NKAIN2: variants seen among roughly 807,000 people sequenced by gnomAD.
NKAIN2 encodes sodium/potassium transporting ATPase interacting 2.
A neutral mutation model predicts 32.6 loss-of-function variants in NKAIN2; 14 were observed. That is an observed-to-expected ratio of 0.43 (90% confidence interval 0.28 to 0.67). NKAIN2 has a LOEUF of 0.67. Among genes scored for constraint, NKAIN2 ranks in the 30% least tolerant of loss-of-function variants. NKAIN2 has a pLI of 0.17. For missense variants in NKAIN2, 198 were observed against 258.3 expected, an observed-to-expected ratio of 0.77 and a Z score of 1.60; for synonymous variants, 80 against 87.2, an observed-to-expected ratio of 0.92 and a Z score of 0.46.
chr6:123,916,148 A>C (rs913136079), intron 1 of NKAIN2, among the ~76,000 whole-genome samples: 16 of 152,162 alleles, frequency 1.1e-4, no homozygotes, highest in African/African-American at 3.9e-4. Context: ...AAGATAAGTT[A>C]ATCTAGGGCA....
intron 1 of NKAIN2, among the ~76,000 whole-genome samples, chr6:123,904,238 A>C (rs766488556): frequency 4.6e-5 from 7 of 152,184 alleles, no homozygotes; most frequent in Admixed American, 6.5e-5. Flanking sequence ...CTTAAAAAAA[A>C]AAGAAAAAAG....
chr6:124,647,887 A>C (rs1784236341), intron 3 of NKAIN2, among the ~76,000 whole-genome samples: 1 of 152,230 alleles, frequency 6.6e-6, no homozygotes, highest in Non-Finnish European at 1.5e-5. Context: ...GAAACTAGTG[A>C]CTAACATGCT....
At position 124,747,901 on chromosome 6, in the gene NKAIN2, A is replaced by T. The variant is rs1039964033; in HGVS notation, c.475-43438A>T. Among the ~76,000 whole-genome samples the T allele has an allele frequency of 2.0e-5, 3 of 151,894 alleles. No homozygotes were observed. In the East Asian group the frequency reaches 5.8e-4, roughly 30 times the overall value. On this transcript the variant is annotated intron_variant, in intron 4 of 6. Transcript: ENST00000368417. Reference sequence around the variant, plus strand: ...TTCCCTTTCTTCCCTCTATTTCCTCATGATATAGTCTTAGCACTTCTTTTA... The same window carrying T: ...TTCCCTTTCTTCCCTCTATTTCCTCTTGATATAGTCTTAGCACTTCTTTTA...
At chr6:124,353,174 T>A (rs568106056) in intron 2 of NKAIN2, among the ~76,000 whole-genome samples, 5 of 152,142 alleles carry the variant, frequency 3.3e-5, no homozygotes, top group Non-Finnish European at 7.4e-5. Context: ...TCTTAATAAC[T>A]ATTTTGTGCA....
intron 3 of NKAIN2, among the ~76,000 whole-genome samples, chr6:124,492,009 A>G (rs7747075): frequency 6.6e-6 from 1 of 151,976 alleles, no homozygotes; most frequent in Non-Finnish European, 1.5e-5. Flanking sequence ...ATTGAAGCCA[A>G]TGACAATGGT....
chr6:124,151,631 A>G (rs1562387884), intron 1 of NKAIN2, among the ~76,000 whole-genome samples: 1 of 152,016 alleles, frequency 6.6e-6, no homozygotes, highest in East Asian at 1.9e-4. Flanking sequence ...CCCACAAGCA[A>G]TGTGTGAGAT....
At chr6:124,749,770 A>G (rs1283431598) in intron 4 of NKAIN2, among the ~76,000 whole-genome samples, 3 of 151,932 alleles carry the variant, frequency 2.0e-5, no homozygotes, top group East Asian at 1.9e-4. Context: ...AATCCACACT[A>G]TAATATTAAA....
At chr6:124,802,192 ATTTT>A (rs1452281613) in intron 5 of NKAIN2, among the ~76,000 whole-genome samples, 1 of 152,176 alleles carries the variant, frequency 6.6e-6, no homozygotes, top group Non-Finnish European at 1.5e-5. Flanking sequence ...CGCATGTTTT[ATTTT>A]TTTATTTCCC....
chr6:124,260,658 A>T (rs556795764), intron 1 of NKAIN2, among the ~76,000 whole-genome samples: 6 of 152,250 alleles, frequency 3.9e-5, no homozygotes, highest in Admixed American at 1.3e-4. Flanking sequence ...TTACTCTGAC[A>T]TGGGAAGCCA....
At chr6:123,918,642 A>G (rs1043061457) in intron 1 of NKAIN2, among the ~76,000 whole-genome samples, 5 of 152,162 alleles carry the variant, frequency 3.3e-5, no homozygotes, top group Non-Finnish European at 7.4e-5. Context: ...TATTTAAATC[A>G]CTGGACTGAG....
intron 1 of NKAIN2, among the ~76,000 whole-genome samples, chr6:124,166,433 G>A (rs973714134): frequency 4.8e-4 from 73 of 151,930 alleles, no homozygotes; most frequent in Middle Eastern, 3.4e-3. Context: ...TGTCAGATGA[G>A]TAGGTTGCAA....
chr6:124,796,444 T>TACAC (rs982140184), intron 5 of NKAIN2, among the ~76,000 whole-genome samples: 1 of 152,094 alleles, frequency 6.6e-6, no homozygotes, highest in African/African-American at 2.4e-5. Flanking sequence ...CACATCCAAA[T>TACAC]ACACACACAC....
intron 1 of NKAIN2, among the ~76,000 whole-genome samples, chr6:124,196,227 C>G (rs1449701445): frequency 6.6e-6 from 1 of 152,028 alleles, no homozygotes; most frequent in Non-Finnish European, 1.5e-5. Flanking sequence ...ATCCGGGTAA[C>G]TATAACTCAA....
intron 3 of NKAIN2, among the ~76,000 whole-genome samples, chr6:124,469,944 C>G (rs1313072118): frequency 6.6e-6 from 1 of 152,190 alleles, no homozygotes; most frequent in Non-Finnish European, 1.5e-5. Flanking sequence ...TTGTGCTTCA[C>G]TTACTTCACC....
chr6:124,105,955 T>C (rs1009427498), intron 1 of NKAIN2, among the ~76,000 whole-genome samples: 39 of 152,344 alleles, frequency 2.6e-4, no homozygotes. Flanking sequence ...CACTATTTTA[T>C]ACATGGGAAA....
chr6:124,075,805 AG>A (rs1783672406), intron 1 of NKAIN2, among the ~76,000 whole-genome samples: 1 of 152,156 alleles, frequency 6.6e-6, no homozygotes, highest in Non-Finnish European at 1.5e-5. Context: ...CATGTTGGCC[AG>A]GCTGGTCTGG....
chr6:124,791,279 C>T lies in NKAIN2; in HGVS notation c.475-60C>T, dbSNP rs1779730439. The T allele has an allele frequency of 1.0e-5, 13 of 1,287,012 alleles. No individual in the cohort carries two copies. In the South Asian group the frequency reaches 1.5e-4, roughly 14 times the overall value. The allele number at this position is 1,287,012 out of a possible 1,614,324, so 79.7% of individuals were successfully genotyped here. On this transcript the variant is annotated intron_variant, in intron 4 of 6. Coordinates refer to ENST00000368417, the MANE Select transcript of NKAIN2 (RefSeq NM_001040214.3). ...TGCCTGACTTTGAAAAGCCACTCTC[C>T]AGTGAGGTCTGGTGTTGGTGCCTTT...
chr6:124,299,313 T>C (rs958822601), intron 2 of NKAIN2, among the ~76,000 whole-genome samples: 2 of 152,212 alleles, frequency 1.3e-5, no homozygotes, highest in Admixed American at 6.5e-5. Context: ...CACTTAGATT[T>C]ATACGAATTG....
At chr6:124,412,443 A>G (rs962581765) in intron 3 of NKAIN2, among the ~76,000 whole-genome samples, 1 of 152,212 alleles carries the variant, frequency 6.6e-6, no homozygotes, top group Non-Finnish European at 1.5e-5. Flanking sequence ...GGTCCACTCT[A>G]GACCCTGTTT....
Sources: allele counts gnomAD v4.1 joint callset (sites outside exome capture counted in the v4.1 genomes callset), GRCh38; gene constraint gnomAD v4.1.1; transcripts MANE v1.5; gene names NCBI Gene and HGNC (gene_info 2026-07-23, HGNC 2026-07-21).